The following DPP6 variants were observed in gnomAD, a reference collection of about 807,000 sequenced individuals.
DPP6 encodes dipeptidyl peptidase like 6, also known as A-type potassium channel modulatory protein DPP6.
In DPP6, 69 loss-of-function variants were observed where a neutral mutation model predicts 122.6. That is an observed-to-expected ratio of 0.56 (90% CI 0.46 to 0.69). DPP6 has a LOEUF of 0.69. Ranked by LOEUF, DPP6 falls within the 30% of genes least tolerant of loss-of-function variation. The pLI, the probability that DPP6 is intolerant of heterozygous loss-of-function variation, is 0.00. For synonymous variants in DPP6, 418 were observed against 433.1 expected, an observed-to-expected ratio of 0.97 and a Z score of 0.43; for missense variants, 928 against 1,116.9, an observed-to-expected ratio of 0.83 and a Z score of 2.41.
At chr7:154,704,297 C>T (rs549066668) in intron 7 of DPP6, among the ~76,000 whole-genome samples, 5 of 152,132 alleles carry the variant, frequency 3.3e-5, no homozygotes, top group African/African-American at 1.2e-4. Flanking sequence ...CTTCTAGGAA[C>T]GAGCAAAGAA....
chr7:154,806,249 T>C (rs1798689341), intron 15 of DPP6, among the ~76,000 whole-genome samples: 1 of 152,252 alleles, frequency 6.6e-6, no homozygotes, highest in African/African-American at 2.4e-5. Context: ...AACAACAGAC[T>C]TCATATTGAA....
intron 4 of DPP6, among the ~76,000 whole-genome samples, chr7:154,548,223 AT>A (rs1829354964): frequency 1.3e-5 from 2 of 151,886 alleles, no homozygotes; most frequent in African/African-American, 2.4e-5. Context: ...TAAAATAAAA[AT>A]AATAAATAAG....
Position 154,053,057 on chromosome 7 carries a change from G to A in DPP6, c.237G>A (p.Glu79=). ...ACCAGGCGCGGAGCGATGGTGACGA[G>A]GAGGACGTAAGAGCTTCTCGGGGGC... ...FQYQARSDGD[E]EDELVGSNPP... is the part of the protein sequence containing the mutation. The change falls in exon 1 of 26, where the codon GAG becomes GAA. Residue 79 remains glutamate (E), a synonymous_variant. Coordinates refer to ENST00000377770, the MANE Select transcript of DPP6 (RefSeq NM_130797.4). 1 of 1,060,540 alleles carries A rather than the reference G, an allele frequency of 9.4e-7. No homozygotes were observed. The highest frequency in any genetic ancestry group is 1.1e-6 in the Non-Finnish European group (1 of 877,782). 65.7% of individuals were successfully genotyped at this position (1,060,540 alleles called of 1,614,324 possible). A position where few individuals can be genotyped will look rare whatever the true frequency, so the allele number is the denominator to read the frequency against.
the DPP6 span, among the ~76,000 whole-genome samples, chr7:153,788,542 T>C: frequency 0.44 from 67,326 of 152,074 alleles, 15,165 homozygotes; most frequent in South Asian, 0.54. Context: ...ACAGTCCACA[T>C]TGGCTGGTGT....
intron 2 of DPP6, among the ~76,000 whole-genome samples, chr7:154,456,785 G>A (rs1820870713): frequency 5.2e-5 from 1 of 19,276 alleles, no homozygotes; most frequent in Non-Finnish European, 1.1e-4. Flanking sequence ...CTGAGACTTT[G>A]CTGAAGTTGC....
Position 154,241,792 on chromosome 7 carries a change from T to A in DPP6, c.243+188729T>A, listed in dbSNP as rs918760472. On this transcript the variant is annotated intron_variant, in intron 1 of 25. Coordinates refer to ENST00000377770, the MANE Select transcript of DPP6 (RefSeq NM_130797.4). The surrounding 1 kb of genome is among the most constrained non-coding windows in gnomAD (Gnocchi z 9.0). ...AGATTGTCTGCCGACCGAAAAAGTT[T>A]ATGTCAAAACTACAGAAAAGAGCCA... 6.6e-6 allele frequency among the ~76,000 whole-genome samples: 1 copy of A among 152,202 alleles called. No homozygotes were observed. The highest frequency in any genetic ancestry group is 2.4e-5 in the African/African-American group (1 of 41,460).
At chr7:154,154,385 T>A (rs78939295) in intron 1 of DPP6, among the ~76,000 whole-genome samples, 3 of 152,146 alleles carry the variant, frequency 2.0e-5, no homozygotes, top group East Asian at 1.9e-4. Context: ...CTCTGGACAA[T>A]AATAATGATA....
intron 4 of DPP6, among the ~76,000 whole-genome samples, chr7:154,563,518 C>G (rs1233565525): frequency 5.3e-5 from 8 of 152,146 alleles, no homozygotes; most frequent in African/African-American, 1.4e-4. Flanking sequence ...AATGCACATA[C>G]CTTAGACAAG....
At chr7:154,124,766 G>T (rs1449123886) in intron 1 of DPP6, among the ~76,000 whole-genome samples, 1 of 152,206 alleles carries the variant, frequency 6.6e-6, no homozygotes, top group Non-Finnish European at 1.5e-5. Context: ...GAGGATGGGG[G>T]TAAGTGTGCA....
intron 1 of DPP6, among the ~76,000 whole-genome samples, chr7:153,897,235 A>G (rs911882936): frequency 9.9e-5 from 15 of 152,206 alleles, no homozygotes; most frequent in African/African-American, 3.6e-4. Context: ...ACCCATTTCC[A>G]GCCCAGGTTC....
At chr7:154,577,163 G>A (rs1435720257) in intron 5 of DPP6, among the ~76,000 whole-genome samples, 1 of 152,132 alleles carries the variant, frequency 6.6e-6, no homozygotes, top group African/African-American at 2.4e-5. Flanking sequence ...TTAGGAGGGG[G>A]ACAGAGAGCC....
intron 1 of DPP6, among the ~76,000 whole-genome samples, chr7:153,920,680 C>T (rs1229289018): frequency 1.4e-5 from 2 of 146,916 alleles, no homozygotes; most frequent in African/African-American, 2.5e-5. Flanking sequence ...CCTACCTTAG[C>T]CTCCTGAGTA....
chr7:154,214,361 T>G (rs1033576628), intron 1 of DPP6, among the ~76,000 whole-genome samples: 6 of 152,224 alleles, frequency 3.9e-5, no homozygotes, highest in African/African-American at 1.4e-4. Flanking sequence ...TGCTCATGGG[T>G]TCTCATGACC....
chr7:154,110,613 A>C (rs1416177933), intron 1 of DPP6, among the ~76,000 whole-genome samples: 1 of 152,186 alleles, frequency 6.6e-6, no homozygotes, highest in Non-Finnish European at 1.5e-5. Context: ...ATGAGCGAGA[A>C]AGGGGATGGA....
chr7:154,892,624 C>A lies in DPP6; in HGVS notation c.*144C>A. 1 of 1,497,228 alleles carries A rather than the reference C, an allele frequency of 6.7e-7. No homozygotes were observed. Among genetic ancestry groups the A allele is most frequent in the Non-Finnish European group, 9.0e-7 (1 of 1,111,958 alleles). 92.7% of individuals were successfully genotyped at this position (1,497,228 alleles called of 1,614,324 possible). On this transcript the variant is annotated 3_prime_UTR_variant, in exon 26 of 26. Transcript: ENST00000377770. ...GCATGTGTGTCTCGGATGCGGAAGGCAGTTTTGCTTGGGAAACAAGCTCCT... is the reference window on the plus strand; with the variant it reads ...GCATGTGTGTCTCGGATGCGGAAGGAAGTTTTGCTTGGGAAACAAGCTCCT...
intron 3 of DPP6, among the ~76,000 whole-genome samples, chr7:154,531,766 G>A (rs759007477): frequency 6.6e-5 from 10 of 152,028 alleles, no homozygotes; most frequent in South Asian, 6.2e-4. Context: ...GTATAATTGC[G>A]TGGAAGTGGA....
chr7:154,315,820 C>G (rs187154177), intron 1 of DPP6, among the ~76,000 whole-genome samples: 1 of 152,170 alleles, frequency 6.6e-6, no homozygotes, highest in Non-Finnish European at 1.5e-5. Context: ...CTGTGTCTTC[C>G]TCCATAGGGG....
At chr7:154,191,407 G>A (rs1798611403) in intron 1 of DPP6, among the ~76,000 whole-genome samples, 1 of 152,134 alleles carries the variant, frequency 6.6e-6, no homozygotes, top group Non-Finnish European at 1.5e-5. Context: ...ATAGTGATAA[G>A]ATTACTTAAC....
Position 154,545,820 on chromosome 7 carries a change from C to T in DPP6, c.552+5194C>T, listed in dbSNP as rs534312368. Reference sequence around the variant, plus strand: ...TCCACTGATAGTGCTATGGATGTAACGCACCAGTTCAGAATGAGTCACTGT... The same window carrying T: ...TCCACTGATAGTGCTATGGATGTAATGCACCAGTTCAGAATGAGTCACTGT... On this transcript the variant is annotated intron_variant, in intron 4 of 25. Transcript: ENST00000377770. 7.9e-5 allele frequency among the ~76,000 whole-genome samples: 12 copies of T among 152,286 alleles called. No individual in the cohort carries two copies. In the South Asian group the frequency reaches 1.2e-3, roughly 16 times the overall value.
Sources: allele counts gnomAD v4.1 joint callset (sites outside exome capture counted in the v4.1 genomes callset), GRCh38; gene constraint gnomAD v4.1.1; non-coding constraint Gnocchi (gnomAD v3.1); transcripts MANE v1.5; gene names NCBI Gene and HGNC (gene_info 2026-07-23, HGNC 2026-07-21).